UBE2D1: variants seen among roughly 807,000 people sequenced by gnomAD.
The protein encoded by UBE2D1 is ubiquitin-conjugating enzyme E2 D1.
A neutral mutation model predicts 24.6 loss-of-function variants in UBE2D1; 9 were observed. That is an observed-to-expected ratio of 0.37 (90% CI 0.22 to 0.64). UBE2D1 has a LOEUF of 0.64. UBE2D1 is among the 30% of genes least tolerant of loss of function. The pLI is 0.64. For synonymous variants in UBE2D1, 57 were observed against 57.6 expected (o/e 0.99, Z 0.04); for missense variants, 87 against 177.1 (o/e 0.49, Z 2.89).
intron 1 of UBE2D1, among the ~76,000 whole-genome samples, chr10:58,352,739 CCTTA>C (rs1233819635): frequency 3.3e-5 from 5 of 152,074 alleles, no homozygotes; most frequent in Non-Finnish European, 7.4e-5. Context: ...GGTCTTATCA[CCTTA>C]CTTTTTAATA....
chr10:58,335,443 G>C (rs1258349927), intron 1 of UBE2D1, among the ~76,000 whole-genome samples: 1 of 152,232 alleles, frequency 6.6e-6, no homozygotes, highest in Admixed American at 6.5e-5. Context: ...TTGAAGGCTG[G>C]GGGCCCGCGC....
At chr10:58,338,345 T>C (rs769090912) in intron 1 of UBE2D1, among the ~76,000 whole-genome samples, 1 of 152,234 alleles carries the variant, frequency 6.6e-6, no homozygotes, top group Non-Finnish European at 1.5e-5. Context: ...TTTAATGCTC[T>C]GATTTAGTGT....
intron 1 of UBE2D1, among the ~76,000 whole-genome samples, chr10:58,356,242 C>T (rs954199848): frequency 4.6e-5 from 7 of 152,130 alleles, no homozygotes; most frequent in Admixed American, 4.6e-4. Context: ...TAGTATCTCC[C>T]AGAGATAACT....
chr10:58,348,285 C>T (rs1840037254), intron 1 of UBE2D1, among the ~76,000 whole-genome samples: 2 of 152,202 alleles, frequency 1.3e-5, no homozygotes, highest in African/African-American at 4.8e-5. Flanking sequence ...GATCGTTTGA[C>T]ATCTTTCTAT....
intron 1 of UBE2D1, among the ~76,000 whole-genome samples, chr10:58,340,583 C>T (rs1043609982): frequency 3.3e-5 from 5 of 152,176 alleles, no homozygotes; most frequent in African/African-American, 7.2e-5. Flanking sequence ...CTTAAAATGT[C>T]AAATCCTTTA....
chr10:58,354,228 C>A (rs1324509551), intron 1 of UBE2D1, among the ~76,000 whole-genome samples: 1 of 152,136 alleles, frequency 6.6e-6, no homozygotes, highest in East Asian at 1.9e-4. Context: ...GTAAATTGCC[C>A]AAGGTCACAC....
intron 6 of UBE2D1, 23 bp downstream of exon 6, chr10:58,368,039 T>A (rs1840275389): frequency 6.5e-7 from 1 of 1,534,056 alleles, no homozygotes; most frequent in East Asian, 2.3e-5. Flanking sequence ...TTATTTTAGT[T>A]TCTGTATGGA....
At position 58,360,320 on chromosome 10, in the gene UBE2D1, C is replaced by T. The variant is rs1840181263; in HGVS notation, c.25-1018C>T. Reference sequence around the variant, plus strand: ...ATAGTCCTTTATATTGAATGTATGCCTTTCTTCTTTGGGATGATCAGTTTC... The same window carrying T: ...ATAGTCCTTTATATTGAATGTATGCTTTTCTTCTTTGGGATGATCAGTTTC... On this transcript the variant is annotated intron_variant, in intron 1 of 6. Transcript: ENST00000373910. 2.0e-5 allele frequency among the ~76,000 whole-genome samples: 3 copies of T among 151,994 alleles called. No individual in the cohort carries two copies. In the South Asian group the frequency reaches 6.2e-4, roughly 31 times the overall value.
At chr10:58,337,577 G>C (rs1588995087) in intron 1 of UBE2D1, among the ~76,000 whole-genome samples, 1 of 152,218 alleles carries the variant, frequency 6.6e-6, no homozygotes, top group East Asian at 1.9e-4. Flanking sequence ...TGTACCTATA[G>C]ATGGTGGCAG....
intron 3 of UBE2D1, among the ~76,000 whole-genome samples, chr10:58,362,233 G>A (rs1161323207): frequency 1.3e-5 from 2 of 152,100 alleles, no homozygotes; most frequent in Non-Finnish European, 2.9e-5. Context: ...CTGGGTGAGA[G>A]TACATAAGTA....
At chr10:58,342,676 A>T (rs1337112892) in intron 1 of UBE2D1, among the ~76,000 whole-genome samples, 1 of 151,712 alleles carries the variant, frequency 6.6e-6, no homozygotes, top group African/African-American at 2.4e-5. Flanking sequence ...TGACCCTTGG[A>T]TTATTTAGAA....
intron 5 of UBE2D1, among the ~76,000 whole-genome samples, chr10:58,365,085 G>T (rs566559403): frequency 5.9e-5 from 9 of 152,290 alleles, no homozygotes; most frequent in African/African-American, 2.2e-4. Context: ...TCTAAATGAT[G>T]AAATGAGAAA....
chr10:58,337,357 C>T (rs766564031), intron 1 of UBE2D1, among the ~76,000 whole-genome samples: 2 of 152,106 alleles, frequency 1.3e-5, no homozygotes, highest in Non-Finnish European at 2.9e-5. Flanking sequence ...TTGATTGATT[C>T]CCTACTTTTC....
chr10:58,335,311 G>A, intron 1 of UBE2D1, 86 bp downstream of exon 1: 1 of 1,388,458 alleles, frequency 7.2e-7, no homozygotes, highest in Non-Finnish European at 9.5e-7. Context: ...AGACATGCGG[G>A]GAGAGCAAGG....
chr10:58,342,875 G>A (rs1276748877), intron 1 of UBE2D1, among the ~76,000 whole-genome samples: 1 of 149,898 alleles, frequency 6.7e-6, no homozygotes, highest in East Asian at 2.0e-4. Flanking sequence ...TGTCGCCCAG[G>A]CTGGAGTACA....
intron 3 of UBE2D1, among the ~76,000 whole-genome samples, chr10:58,363,271 T>C (rs1398816386): frequency 6.6e-6 from 1 of 152,122 alleles, no homozygotes; most frequent in East Asian, 1.9e-4. Flanking sequence ...ACAGCAGTCG[T>C]GTGTATACTG....
chr10:58,359,976 A>T (rs1295032219), intron 1 of UBE2D1, among the ~76,000 whole-genome samples: 2 of 152,164 alleles, frequency 1.3e-5, no homozygotes, highest in African/African-American at 4.8e-5. Context: ...AGCAACTAAT[A>T]TTGTAGCTTC....
intron 1 of UBE2D1, among the ~76,000 whole-genome samples, chr10:58,354,208 A>G (rs1195166623): frequency 1.3e-5 from 2 of 152,196 alleles, no homozygotes; most frequent in African/African-American, 2.4e-5. Context: ...TTGAGACTCA[A>G]AGAGGTTAAG....
intron 4 of UBE2D1, 110 bp downstream of exon 4, chr10:58,363,796 G>A: frequency 1.4e-6 from 1 of 697,428 alleles, no homozygotes; most frequent in Non-Finnish European, 2.2e-6. Flanking sequence ...ACTGTGGGGA[G>A]GTTAGCATTT....
Sources: gnomAD v4.1 joint callset for allele counts (sites outside exome capture counted in the v4.1 genomes callset) on GRCh38, gnomAD v4.1.1 for gene constraint, MANE v1.5 for transcripts, NCBI Gene and HGNC (gene_info 2026-07-23, HGNC 2026-07-21) for gene names.